THSD7B: variants seen among roughly 807,000 people sequenced by gnomAD.
THSD7B encodes the protein thrombospondin type-1 domain-containing protein 7B.
A neutral mutation model predicts 213.6 loss-of-function variants in THSD7B; 138 were observed. That is an observed-to-expected ratio of 0.65 (90% CI 0.56 to 0.74). THSD7B has a LOEUF of 0.74. THSD7B is among the 30% of genes least tolerant of loss of function. The pLI is 0.00. For missense variants in THSD7B, 1,931 were observed against 1,991.5 expected, an observed-to-expected ratio of 0.97 and a Z score of 0.58; for synonymous variants, 742 against 687.0, an observed-to-expected ratio of 1.08 and a Z score of -1.25.
chr2:137,371,286 TA>T (rs1345551565), intron 12 of THSD7B, among the ~76,000 whole-genome samples: 1 of 152,146 alleles, frequency 6.6e-6, no homozygotes, highest in Admixed American at 6.6e-5. Context: ...GATGTGGAGG[TA>T]AAATTTTTCT....
At chr2:136,812,959 C>T (rs13020027) in intron 1 of THSD7B, among the ~76,000 whole-genome samples, 98,717 of 152,058 alleles carry the variant, frequency 0.65, 32,707 homozygotes, top group East Asian at 0.98. Context: ...TATTTACATA[C>T]ATCTGGTGAT....
intron 8 of THSD7B, among the ~76,000 whole-genome samples, chr2:137,232,049 T>C (rs1418226262): frequency 1.3e-5 from 2 of 152,186 alleles, no homozygotes; most frequent in Non-Finnish European, 2.9e-5. Context: ...TCCTTCTCTT[T>C]TCTTTTATAT....
intron 1 of THSD7B, among the ~76,000 whole-genome samples, chr2:136,797,597 A>G (rs1341260366): frequency 1.3e-5 from 2 of 151,948 alleles, no homozygotes; most frequent in South Asian, 4.1e-4. Flanking sequence ...GAGATTGGTG[A>G]AATGGAAAGC....
intron 3 of THSD7B, among the ~76,000 whole-genome samples, chr2:137,068,266 A>T (rs944757691): frequency 2.0e-5 from 3 of 152,044 alleles, no homozygotes; most frequent in Non-Finnish European, 4.4e-5. Flanking sequence ...ATCTCTTCTG[A>T]GTTCTAGACA....
At chr2:137,587,247 T>G (rs975346283) in intron 17 of THSD7B, among the ~76,000 whole-genome samples, 1 of 152,226 alleles carries the variant, frequency 6.6e-6, no homozygotes, top group African/African-American at 2.4e-5. Flanking sequence ...CTAATCTTTT[T>G]TCAAGGTTTT....
At chr2:137,150,470 A>G (rs1679794611) in intron 5 of THSD7B, among the ~76,000 whole-genome samples, 1 of 151,956 alleles carries the variant, frequency 6.6e-6, no homozygotes, top group Admixed American at 6.6e-5. Context: ...AGTTCTCATG[A>G]GATCTAATGT....
At chr2:137,479,821 A>G (rs566677000) in intron 15 of THSD7B, among the ~76,000 whole-genome samples, 2 of 152,254 alleles carry the variant, frequency 1.3e-5, no homozygotes, top group African/African-American at 2.4e-5. Context: ...AACTGGTGCT[A>G]TGCTGTAGCT....
intron 14 of THSD7B, among the ~76,000 whole-genome samples, chr2:137,430,629 G>C (rs1687156712): frequency 6.6e-6 from 1 of 152,210 alleles, no homozygotes; most frequent in South Asian, 2.1e-4. Context: ...ATCCCCAGCT[G>C]TCAAGACATT....
rs1217248102 is a variant in THSD7B, at chr2:137,000,821, T to A, written c.140-55599T>A. The stretch of plus-strand genomic sequence containing the variant: ...AGGCATACCTTTGGAGATGTTTTTA[T>A]TTTATTTTTTATTTTTAGTAACTAG... On this transcript the variant is annotated intron_variant, in intron 2 of 27. Transcript: ENST00000409968. 3.3e-5 allele frequency among the ~76,000 whole-genome samples: 5 copies of A among 152,240 alleles called. No individual in the cohort carries two copies. In the South Asian group the frequency reaches 1.0e-3, roughly 32 times the overall value.
intron 7 of THSD7B, among the ~76,000 whole-genome samples, chr2:137,212,500 G>A (rs1681136273): frequency 6.6e-6 from 1 of 151,994 alleles, no homozygotes; most frequent in South Asian, 2.1e-4. Flanking sequence ...TTGAAAATGT[G>A]TCCAAGAGAA....
intron 17 of THSD7B, among the ~76,000 whole-genome samples, chr2:137,574,170 C>T (rs1681413113): frequency 6.6e-6 from 1 of 151,986 alleles, no homozygotes; most frequent in Admixed American, 6.6e-5. Context: ...GAAAACATTG[C>T]CGTCTTAAGG....
intron 2 of THSD7B, among the ~76,000 whole-genome samples, chr2:136,952,284 A>C (rs1027896925): frequency 2.0e-5 from 3 of 152,166 alleles, no homozygotes; most frequent in African/African-American, 7.2e-5. Context: ...CTGGGTCATG[A>C]TATAGAAATA....
At chr2:137,661,712 C>T (rs1332322679) in intron 25 of THSD7B, among the ~76,000 whole-genome samples, 1 of 152,074 alleles carries the variant, frequency 6.6e-6, no homozygotes, top group African/African-American at 2.4e-5. Flanking sequence ...GCCAAGTGCC[C>T]TCTTTGACCT....
intron 1 of THSD7B, among the ~76,000 whole-genome samples, chr2:136,810,504 G>A (rs759408691): frequency 5.9e-5 from 9 of 152,190 alleles, no homozygotes; most frequent in African/African-American, 1.9e-4. Context: ...TGTCCAAAAA[G>A]TGAAACTATA....
chr2:137,595,884 A>G (rs352189), intron 17 of THSD7B, among the ~76,000 whole-genome samples: 29,551 of 151,876 alleles, frequency 0.19, 3,301 homozygotes, highest in South Asian at 0.29. Flanking sequence ...AATTCAAATC[A>G]TTAAATAGTA....
At chr2:137,675,796 T>G (rs1193035752) in intron 27 of THSD7B, among the ~76,000 whole-genome samples, 2 of 152,016 alleles carry the variant, frequency 1.3e-5, no homozygotes, top group African/African-American at 4.8e-5. Flanking sequence ...ATAAGTGTGG[T>G]GGTGAGAGAA....
chr2:137,389,184 T>A (rs961077519), intron 12 of THSD7B, among the ~76,000 whole-genome samples: 2 of 91,378 alleles, frequency 2.2e-5, no homozygotes, highest in African/African-American at 4.2e-5. Context: ...AGTCTCACCA[T>A]ATATCTGTCA....
chr2:137,202,966 G>A (rs1027773865), intron 7 of THSD7B, among the ~76,000 whole-genome samples: 5 of 152,226 alleles, frequency 3.3e-5, no homozygotes, highest in African/African-American at 1.2e-4. Flanking sequence ...GGTGATACAT[G>A]TGTAGATAGA....
chr2:137,070,544 A>T (rs1237739378), intron 3 of THSD7B, among the ~76,000 whole-genome samples: 4 of 149,800 alleles, frequency 2.7e-5, no homozygotes, highest in East Asian at 2.1e-4. Flanking sequence ...CTTTTTTAAA[A>T]TTTTTTATTT....
Sources: allele counts gnomAD v4.1 joint callset (sites outside exome capture counted in the v4.1 genomes callset), GRCh38; gene constraint gnomAD v4.1.1; transcripts MANE v1.5; gene names NCBI Gene and HGNC (gene_info 2026-07-23, HGNC 2026-07-21).